SORBS2: variants seen among roughly 807,000 people sequenced by gnomAD.
SORBS2 encodes sorbin and SH3 domain-containing protein 2.
Under a neutral mutation model 97.7 loss-of-function variants are expected in SORBS2, and 46 were observed. That is an observed-to-expected ratio of 0.47 (90% CI 0.37 to 0.60). SORBS2 has a LOEUF of 0.60. SORBS2 is among the 20% of genes least tolerant of loss of function. The pLI, the probability that SORBS2 is intolerant of heterozygous loss-of-function variation, is 0.00. For missense variants in SORBS2, 1,316 were observed against 1,282.3 expected (o/e 1.03, Z -0.40); for synonymous variants, 476 against 473.4 (o/e 1.01, Z -0.07).
intron 1 of SORBS2, among the ~76,000 whole-genome samples, chr4:185,938,395 C>A (rs1214092746): frequency 1.5e-5 from 2 of 130,720 alleles, no homozygotes; most frequent in East Asian, 4.8e-4. Flanking sequence ...CACATACACA[C>A]ACACACACAC....
chr4:185,696,644 G>T (rs1037519699), intron 2 of SORBS2, among the ~76,000 whole-genome samples: 4 of 152,090 alleles, frequency 2.6e-5, no homozygotes. Context: ...GTTTCACCAT[G>T]TTGGCCAGGC....
intron 1 of SORBS2, among the ~76,000 whole-genome samples, chr4:185,786,943 T>C (rs957230985): frequency 3.6e-5 from 5 of 137,952 alleles, no homozygotes; most frequent in Non-Finnish European, 7.8e-5. Flanking sequence ...AATCTGGATG[T>C]TCATCCATTT....
At chr4:185,937,838 C>T (rs1403160914) in intron 1 of SORBS2, among the ~76,000 whole-genome samples, 1 of 152,130 alleles carries the variant, frequency 6.6e-6, no homozygotes, top group African/African-American at 2.4e-5. Flanking sequence ...AGCATCTACT[C>T]CTTTCTGTGC....
intron 1 of SORBS2, among the ~76,000 whole-genome samples, chr4:185,802,511 G>A (rs1338005914): frequency 6.6e-6 from 1 of 152,148 alleles, no homozygotes; most frequent in African/African-American, 2.4e-5. Context: ...TCCCTATCAA[G>A]GCCATCTTTT....
rs192264243 is a variant in SORBS2, at chr4:185,604,836, T to C, written c.2796+6944A>G. ...TTCTAAAAGTGAAGGAAAAAAGTAT[T>C]TAAAACCCTGCAATGACTGTAACTT... On this transcript the variant is annotated intron_variant, in intron 12 of 14. Coordinates refer to ENST00000418609, the Ensembl canonical transcript of SORBS2. Among the ~76,000 whole-genome samples, 288 of 152,230 alleles carry C rather than the reference T, an allele frequency of 1.9e-3. 2 individuals carry two copies. Among genetic ancestry groups the C allele is most frequent in the African/African-American group, 6.2e-3 (256 of 41,530 alleles).
intron 1 of SORBS2, among the ~76,000 whole-genome samples, chr4:185,931,903 A>G (rs546569781): frequency 4.6e-4 from 70 of 152,110 alleles, no homozygotes; most frequent in Non-Finnish European, 9.1e-4. Flanking sequence ...AGGAGTTAAG[A>G]GAAAGTGAGT....
intron 1 of SORBS2, among the ~76,000 whole-genome samples, chr4:185,916,586 C>A (rs1211777660): frequency 6.6e-6 from 1 of 152,148 alleles, no homozygotes; most frequent in African/African-American, 2.4e-5. Flanking sequence ...GAATTTGACG[C>A]CCAAGATACG....
At chr4:185,742,983 A>T (rs1002767651) in intron 2 of SORBS2, among the ~76,000 whole-genome samples, 12 of 152,176 alleles carry the variant, frequency 7.9e-5, no homozygotes, top group African/African-American at 2.9e-4. Flanking sequence ...GGCACAGCGA[A>T]TGCACCTCCC....
chr4:185,919,564 C>T (rs1329615706), intron 1 of SORBS2: 1 of 152,220 alleles, frequency 6.6e-6, no homozygotes, highest in African/African-American at 2.4e-5. Flanking sequence ...CAGTTTTTGA[C>T]TGTAGAGGTT....
chr4:185,691,291 C>T (rs764479227), intron 2 of SORBS2, among the ~76,000 whole-genome samples: 1 of 151,820 alleles, frequency 6.6e-6, no homozygotes, highest in African/African-American at 2.4e-5. Context: ...CCTTAATTTC[C>T]CGGGCTCAAG....
rs183456731 is a variant in SORBS2, at chr4:185,949,656, A to G, written c.-338+6540T>C. ...CAATCATAACTGTGCAGCAGTGTGG[A>G]TAATAGATGAAAGAAGGAAGAGTCT... On this transcript the variant is annotated intron_variant, in intron 1 of 20. Coordinates refer to the SORBS2 transcript ENST00000284776. Among the ~76,000 whole-genome samples the G allele has an allele frequency of 1.4e-3, 215 of 152,200 alleles. 1 individual carries two copies. The highest frequency in any genetic ancestry group is 5.0e-3 in the African/African-American group (206 of 41,534).
chr4:185,809,149 T>C, intron 1 of SORBS2, among the ~76,000 whole-genome samples: 1 of 152,164 alleles, frequency 6.6e-6, no homozygotes, highest in African/African-American at 2.4e-5. Context: ...GTCAAGTCTA[T>C]ATTTACAGTA....
intron 1 of SORBS2, among the ~76,000 whole-genome samples, chr4:185,842,523 T>C (rs982476586): frequency 1.1e-4 from 16 of 152,244 alleles, no homozygotes; most frequent in African/African-American, 3.9e-4. Context: ...ATATCGTACA[T>C]TAAAAGGTAC....
chr4:185,593,723 T>C, intron 13 of SORBS2, 163 bp downstream of exon 25: 1 of 586,364 alleles, frequency 1.7e-6, no homozygotes, highest in Non-Finnish European at 3.1e-6. Context: ...TTCTGGTCAC[T>C]GTCATAAAAG....
chr4:185,896,281 G>T (rs2099245001), intron 1 of SORBS2, among the ~76,000 whole-genome samples: 1 of 152,210 alleles, frequency 6.6e-6, no homozygotes, highest in Admixed American at 6.5e-5. Flanking sequence ...CAAATCCTCA[G>T]AGAAAGGATT....
chr4:185,821,077 G>A (rs1165896286), intron 1 of SORBS2, among the ~76,000 whole-genome samples: 2 of 152,226 alleles, frequency 1.3e-5, no homozygotes, highest in Non-Finnish European at 2.9e-5. Flanking sequence ...GTGGGTGAAC[G>A]TGAGGGAACA....
At chr4:185,596,895 C>T (rs2096114182) in intron 12 of SORBS2, among the ~76,000 whole-genome samples, 1 of 152,136 alleles carries the variant, frequency 6.6e-6, no homozygotes, top group South Asian at 2.1e-4. Flanking sequence ...CTTTCAAACC[C>T]TGCCCCTCTT....
At chr4:185,886,746 C>T (rs1485408167) in intron 1 of SORBS2, among the ~76,000 whole-genome samples, 4 of 152,000 alleles carry the variant, frequency 2.6e-5, no homozygotes, top group Non-Finnish European at 5.9e-5. Context: ...CATGAGAGAA[C>T]CGGGACTTGG....
At chr4:185,867,522 A>T (rs2099227624) in intron 1 of SORBS2, among the ~76,000 whole-genome samples, 1 of 152,178 alleles carries the variant, frequency 6.6e-6, no homozygotes, top group African/African-American at 2.4e-5. Context: ...ATTTTCATCT[A>T]TAATACAGTA....
Sources: gnomAD v4.1 joint callset for allele counts (sites outside exome capture counted in the v4.1 genomes callset) on GRCh38, gnomAD v4.1.1 for gene constraint, MANE v1.5 for transcripts, NCBI Gene and HGNC (gene_info 2026-07-23, HGNC 2026-07-21) for gene names.